Variants in NUP210L observed in about 807,000 individuals in gnomAD.
NUP210L encodes the protein nuclear pore membrane glycoprotein 210-like.
NUP210L carries 74 observed loss-of-function variants against 208.5 expected under a neutral mutation model. The ratio of observed to expected loss-of-function variants is 0.35; its 90% CI spans 0.29 to 0.43. NUP210L has a LOEUF of 0.43. NUP210L is among the 20% of genes least tolerant of loss of function. The probability of loss-of-function intolerance (pLI) is 1.00; values close to 1 mark genes in which losing one functional copy is unlikely to be tolerated. For missense variants in NUP210L, 1,843 were observed against 2,289.4 expected (o/e 0.81, Z 3.98); for synonymous variants, 780 against 816.9 (o/e 0.95, Z 0.77).
At chr1:154,075,516 C>G (rs1291642592) in intron 16 of NUP210L, among the ~76,000 whole-genome samples, 1 of 151,850 alleles carries the variant, frequency 6.6e-6, no homozygotes, top group Non-Finnish European at 1.5e-5. Context: ...CCACATAGGT[C>G]AAAGAGTACA....
chr1:154,067,292 C>T (rs569940603), intron 17 of NUP210L, among the ~76,000 whole-genome samples: 10 of 152,120 alleles, frequency 6.6e-5, no homozygotes, highest in East Asian at 1.9e-4. Flanking sequence ...GTTCAACATA[C>T]GCAAATCAAT....
chr1:154,060,042 C>G (rs929997323), intron 20 of NUP210L, among the ~76,000 whole-genome samples: 4 of 152,068 alleles, frequency 2.6e-5, no homozygotes, highest in Non-Finnish European at 4.4e-5. Context: ...AGTTCAAGAC[C>G]AGCCTGGCCA....
intron 25 of NUP210L, among the ~76,000 whole-genome samples, chr1:154,048,281 G>A (rs1369924747): frequency 2.0e-5 from 3 of 152,118 alleles, no homozygotes; most frequent in Admixed American, 1.3e-4. Context: ...AGCGCCTCAA[G>A]CAACCGCTCT....
In NUP210L at chr1:154,025,815, G is replaced by C. The variant is rs779948609; in HGVS notation, c.3948-99C>G. 8.3e-6 allele frequency: 8 copies of C among 968,598 alleles called. No homozygotes were observed. In the East Asian group the frequency reaches 9.8e-5, roughly 12 times the overall value. The allele number at this position is 968,598 out of a possible 1,614,324, so 60.0% of individuals were successfully genotyped here. On this transcript the variant is annotated intron_variant, in intron 29 of 39. Transcript: ENST00000368559. ...AGGATTACTGTTAGGGGATGTACTC[G>C]AGAAAACTGCTTGCCATTCTCCACG...
In NUP210L at chr1:154,060,482, C is replaced by T. The variant is rs1031499726; in HGVS notation, c.2850+58G>A. On this transcript the variant is annotated intron_variant, in intron 20 of 39. Coordinates refer to ENST00000368559, the Ensembl canonical transcript of NUP210L. ...AGACACAAAATGGAATTTTTCCAAT[C>T]TCCTCAGAATGAGCTTTGGCCTGAG... 18 of 1,037,580 alleles carry T rather than the reference C, an allele frequency of 1.7e-5. No individual in the cohort carries two copies. The African/African-American group carries it at 2.6e-4, about 15-fold the overall frequency. 64.3% of individuals were successfully genotyped at this position (1,037,580 alleles called of 1,614,324 possible).
chr1:154,091,987 A>T (rs1192865077), intron 15 of NUP210L, among the ~76,000 whole-genome samples: 1 of 151,796 alleles, frequency 6.6e-6, no homozygotes, highest in Non-Finnish European at 1.5e-5. Context: ...CATTTATGTG[A>T]TGTACTTAGA....
exon 28 of NUP210L, chr1:154,029,994 C>T: frequency 6.2e-7 from 1 of 1,611,632 alleles, no homozygotes; most frequent in Non-Finnish European, 8.5e-7. Flanking sequence ...CTGGTCCTGC[C>T]TGCTGCTTTT....
intron 28 of NUP210L, among the ~76,000 whole-genome samples, chr1:154,029,442 G>A (rs182815707): frequency 4.3e-5 from 6 of 139,366 alleles, no homozygotes; most frequent in East Asian, 2.3e-4. Context: ...AGTGGCTCAC[G>A]CCTGTAATCC....
chr1:153,995,496 G>A, intron 37 of NUP210L: 2 of 593,142 alleles, frequency 3.4e-6, no homozygotes, highest in Non-Finnish European at 6.1e-6. Context: ...TATCTCCAGA[G>A]TAATACAACT....
chr1:154,027,668 A>G (rs932923010), intron 28 of NUP210L, 71 bp from the exon 29 acceptor site: 4 of 936,678 alleles, frequency 4.3e-6, no homozygotes, highest in African/African-American at 1.6e-5. Context: ...TATAGACTTC[A>G]GTATAATCCC....
chr1:154,122,896 A>G (rs6692026), intron 10 of NUP210L, among the ~76,000 whole-genome samples: 3 of 150,962 alleles, frequency 2.0e-5, no homozygotes, highest in African/African-American at 7.3e-5. Context: ...CATCTCTACA[A>G]AAAAATTAGC....
intron 37 of NUP210L, chr1:153,995,801 G>A (rs947361125): frequency 6.2e-6 from 4 of 645,134 alleles, no homozygotes; most frequent in Admixed American, 1.8e-5. Context: ...CAAGGGATTC[G>A]TGCCGTAAAA....
rs535732654 is a variant in NUP210L at position 154,048,991 on chromosome 1, C to T, written c.3484-2622G>A. 2.0e-5 allele frequency among the ~76,000 whole-genome samples: 3 copies of T among 152,204 alleles called. No homozygotes were observed. In the East Asian group the frequency reaches 5.8e-4, roughly 29 times the overall value. ...GGGAGCACAAATAAACAAAGCAAAG[C>T]AGCTTACTGGGTGAATCAAACTACT... On this transcript the variant is annotated intron_variant, in intron 25 of 39. Coordinates refer to ENST00000368559, the Ensembl canonical transcript of NUP210L.
intron 7 of NUP210L, among the ~76,000 whole-genome samples, chr1:154,133,640 G>A (rs1558000969): frequency 6.6e-6 from 1 of 151,966 alleles, no homozygotes; most frequent in Non-Finnish European, 1.5e-5. Flanking sequence ...AGGAGTTCAA[G>A]AGCAGTGTGG....
At chr1:154,002,041 A>T in intron 35 of NUP210L, 56 bp from the exon 36 acceptor site, 2 of 1,568,052 alleles carry the variant, frequency 1.3e-6, no homozygotes, top group Non-Finnish European at 8.7e-7. Context: ...TATTGAGCCA[A>T]CTGAATTAGG....
chr1:154,057,731 TG>T (rs1237984725), intron 22 of NUP210L, among the ~76,000 whole-genome samples: 1 of 150,958 alleles, frequency 6.6e-6, no homozygotes, highest in African/African-American at 2.4e-5. Flanking sequence ...TGTGTGTGTG[TG>T]TGTGTATTTT....
At chr1:154,107,780 C>T (rs1656844557) in intron 12 of NUP210L, among the ~76,000 whole-genome samples, 1 of 151,952 alleles carries the variant, frequency 6.6e-6, no homozygotes, top group Non-Finnish European at 1.5e-5. Flanking sequence ...GCATGAAAAT[C>T]ACTTGAACCT....
At chr1:154,036,227 T>C (rs1391883611) in intron 27 of NUP210L, among the ~76,000 whole-genome samples, 2 of 151,950 alleles carry the variant, frequency 1.3e-5, no homozygotes, top group Non-Finnish European at 2.9e-5. Flanking sequence ...TTTTATTCCA[T>C]TGTGGTCAGA....
intron 25 of NUP210L, among the ~76,000 whole-genome samples, chr1:154,047,982 C>T (rs751850102): frequency 6.6e-6 from 1 of 152,238 alleles, no homozygotes; most frequent in East Asian, 1.9e-4. Context: ...AGAAGGGGAG[C>T]TTGGAAGCAT....
Sources: gnomAD v4.1 joint callset for allele counts (sites outside exome capture counted in the v4.1 genomes callset) on GRCh38, gnomAD v4.1.1 for gene constraint, MANE v1.5 for transcripts, NCBI Gene and HGNC (gene_info 2026-07-23, HGNC 2026-07-21) for gene names.